Variants in MRAS observed in about 807,000 individuals in gnomAD.
MRAS encodes the protein muscle RAS oncogene homolog.
Under a neutral mutation model 20.9 loss-of-function variants are expected in MRAS, and 4 were observed. The ratio of observed to expected loss-of-function variants is 0.19; its 90% CI spans 0.09 to 0.44. The LOEUF (loss-of-function observed/expected upper bound fraction) is 0.44. MRAS is among the 20% of genes least tolerant of loss of function. The pLI is 0.99. For missense variants in MRAS, 154 were observed against 277.5 expected, an observed-to-expected ratio of 0.56 and a Z score of 3.16; for synonymous variants, 98 against 102.9, an observed-to-expected ratio of 0.95 and a Z score of 0.29.
intron 1 of MRAS, among the ~76,000 whole-genome samples, chr3:138,352,467 T>A (rs1289948826): frequency 2.0e-5 from 3 of 152,210 alleles, no homozygotes; most frequent in Non-Finnish European, 4.4e-5. Context: ...AAAAAATATT[T>A]TTATATTCTA....
chr3:138,377,565 T>G (rs903968458), intron 2 of MRAS, among the ~76,000 whole-genome samples: 2 of 152,180 alleles, frequency 1.3e-5, no homozygotes, highest in Admixed American at 6.5e-5. Context: ...TCTGAACCTT[T>G]CTGGGGCTGA....
chr3:138,379,318 C>G (rs1576366690), intron 2 of MRAS, among the ~76,000 whole-genome samples: 1 of 151,344 alleles, frequency 6.6e-6, no homozygotes, highest in African/African-American at 2.4e-5. Flanking sequence ...AACATAATGA[C>G]CTCCAGTTCC....
chr3:138,386,670 G>A (rs1576374931), intron 2 of MRAS, among the ~76,000 whole-genome samples: 2 of 152,184 alleles, frequency 1.3e-5, no homozygotes, highest in East Asian at 1.9e-4. Context: ...TTTTAGTAGC[G>A]AGGGGGTTTC....
chr3:138,400,193 C>T (rs192087634), intron 4 of MRAS: 125 of 208,424 alleles, frequency 6.0e-4, no homozygotes, highest in African/African-American at 2.7e-3. Flanking sequence ...GAGCAACAGA[C>T]CTCAGAAAGA....
intron 2 of MRAS, among the ~76,000 whole-genome samples, chr3:138,384,519 A>C (rs938532291): frequency 2.6e-5 from 4 of 152,198 alleles, no homozygotes; most frequent in African/African-American, 9.6e-5. Flanking sequence ...TACATTTATC[A>C]AGATTAGGAA....
In MRAS at chr3:138,404,222, A is replaced by C. The variant is rs1455134829; in HGVS notation, c.*1953A>C. On this transcript the variant is annotated 3_prime_UTR_variant, in exon 6 of 6. Transcript: ENST00000423968. The stretch of plus-strand genomic sequence containing the variant: ...GTGTGCAGTTTGATGGCAGCTGCAA[A>C]CTGGAGGTGAGGCGGAGGAAAGGCA... 6.6e-6 allele frequency: 1 copy of C among 152,292 alleles called. No individual in the cohort carries two copies. The highest frequency in any genetic ancestry group is 2.4e-5 in the African/African-American group (1 of 41,440). 9.4% of individuals were successfully genotyped at this position (152,292 alleles called of 1,614,324 possible).
chr3:138,393,271 C>T (rs993732467), intron 2 of MRAS, among the ~76,000 whole-genome samples: 2 of 152,196 alleles, frequency 1.3e-5, no homozygotes, highest in African/African-American at 4.8e-5. Flanking sequence ...CACTGTGTTG[C>T]CCAGGCTGGT....
chr3:138,362,993 C>T (rs749762655), intron 1 of MRAS, among the ~76,000 whole-genome samples: 1 of 152,064 alleles, frequency 6.6e-6, no homozygotes, highest in Admixed American at 6.6e-5. Context: ...ACTTTTGTCG[C>T]TTCTATTCTT....
chr3:138,353,764 T>A (rs1384627429), intron 1 of MRAS, among the ~76,000 whole-genome samples: 1 of 152,218 alleles, frequency 6.6e-6, no homozygotes, highest in Non-Finnish European at 1.5e-5. Flanking sequence ...GTATACTTTA[T>A]ATTCGCTATC....
At chr3:138,377,780 G>A (rs187054910) in intron 2 of MRAS, among the ~76,000 whole-genome samples, 65 of 152,332 alleles carry the variant, frequency 4.3e-4, no homozygotes, top group African/African-American at 1.3e-3. Flanking sequence ...GAATAAAAAC[G>A]TGGCAGCACG....
chr3:138,372,686 A>G (rs2054699651), intron 1 of MRAS, among the ~76,000 whole-genome samples, 180 bp from the exon 2 acceptor site: 1 of 152,220 alleles, frequency 6.6e-6, no homozygotes, highest in African/African-American at 2.4e-5. Context: ...AATCACTTTA[A>G]CAGTGGACTG....
upstream of MRAS, chr3:138,348,326 G>C (rs1259184845): frequency 2.0e-5 from 3 of 152,280 alleles, no homozygotes; most frequent in Non-Finnish European, 4.4e-5. Flanking sequence ...TCTGACCCGG[G>C]TAAGTGCTGG....
At chr3:138,350,500 C>T (rs1223006149) in intron 1 of MRAS, 1 of 152,084 alleles carries the variant, frequency 6.6e-6, no homozygotes, top group Non-Finnish European at 1.5e-5. Flanking sequence ...GAAACTGACC[C>T]CCTAGATGTG....
Position 138,400,543 on chromosome 3 carries a change from A to T in MRAS, c.457A>T (p.Ile153Leu). ...GAGCTTTGCCTTCCAGATTCCGTACATAGAAACCAGTGCCAAGGACCCACC... is the reference window on the plus strand; with the variant it reads ...GAGCTTTGCCTTCCAGATTCCGTACTTAGAAACCAGTGCCAAGGACCCACC... ...EMATKHNIPY[I>L]ETSAKDPPLN... is the part of the protein sequence containing the mutation. Residue 153 changes from isoleucine to leucine, a missense_variant, in exon 5 of 6, where the codon ATA becomes TTA. By Grantham distance (5) the Ile-to-Leu change is conservative. Around this residue, in one of 3 missense-constraint regions of MRAS, gnomAD observed 125 missense variants for 213.5 expected, o/e 0.59. Coordinates refer to ENST00000423968, the MANE Select transcript of MRAS (RefSeq NM_001085049.3). 1 of 1,612,670 alleles carries T rather than the reference A, an allele frequency of 6.2e-7. No individual in the cohort carries two copies. Among genetic ancestry groups the T allele is most frequent in the Non-Finnish European group, 8.5e-7 (1 of 1,178,670 alleles).
chr3:138,397,541 C>T, intron 3 of MRAS, 64 bp downstream of exon 3: 1 of 1,569,380 alleles, frequency 6.4e-7, no homozygotes, highest in Non-Finnish European at 8.7e-7. Context: ...AGGGCGCTCT[C>T]TCTCTCTCTC....
In MRAS at chr3:138,400,450, C is replaced by T. The variant is rs970159504; in HGVS notation, c.448-84C>T. Reference sequence around the variant, plus strand: ...GGGTTTTGAAAGCACCTGGGTTCCTCAGAACCTCTGGGCATTTTTAAGGGT... The same window carrying T: ...GGGTTTTGAAAGCACCTGGGTTCCTTAGAACCTCTGGGCATTTTTAAGGGT... On this transcript the variant is annotated intron_variant, in intron 4 of 5. Transcript: ENST00000423968. The T allele has an allele frequency of 2.5e-5, 33 of 1,314,274 alleles. No homozygotes were observed. The Admixed American group carries it at 5.7e-4, about 23-fold the overall frequency. 81.4% of individuals were successfully genotyped at this position (1,314,274 alleles called of 1,614,324 possible).
chr3:138,400,425 G>T (rs2055335182), intron 4 of MRAS, 109 bp from the exon 5 acceptor site: 4 of 904,234 alleles, frequency 4.4e-6, no homozygotes, highest in African/African-American at 3.3e-5. Context: ...CTTCTGTGGG[G>T]GGTTTTGAAA....
At chr3:138,359,088 C>G (rs1300085154) in intron 1 of MRAS, among the ~76,000 whole-genome samples, 1 of 152,170 alleles carries the variant, frequency 6.6e-6, no homozygotes, top group Non-Finnish European at 1.5e-5. Flanking sequence ...CCTCGACCCC[C>G]CAGCCAATAC....
intron 1 of MRAS, among the ~76,000 whole-genome samples, chr3:138,371,508 C>G (rs2054673451): frequency 1.3e-5 from 2 of 152,218 alleles, no homozygotes; most frequent in Admixed American, 1.3e-4. Flanking sequence ...TCTTTGTCCT[C>G]CCTGCCACAC....
Sources: gnomAD v4.1 joint callset for allele counts (sites outside exome capture counted in the v4.1 genomes callset) on GRCh38, gnomAD v4.1.1 for gene constraint, gnomAD v4.1.1 regional missense constraint, MANE v1.5 for transcripts, NCBI Gene and HGNC (gene_info 2026-07-23, HGNC 2026-07-21) for gene names.